Variants in VWA8 observed in about 807,000 individuals in gnomAD.
VWA8 encodes the protein von Willebrand factor A domain-containing protein 8.
In VWA8, 221 loss-of-function variants were observed where a neutral mutation model predicts 241.5. The observed-to-expected ratio is 0.91, with a 90% CI of 0.82 to 1.02. The LOEUF (loss-of-function observed/expected upper bound fraction) is 1.02. Among genes scored for constraint, VWA8 ranks in the 50% least tolerant of loss-of-function variants. VWA8 has a pLI of 0.00. For synonymous variants in VWA8, 852 were observed against 827.1 expected, an observed-to-expected ratio of 1.03 and a Z score of -0.52; for missense variants, 2,322 against 2,328.7, an observed-to-expected ratio of 1.00 and a Z score of 0.06.
chr13:41,907,213 C>T (rs994915079), intron 4 of VWA8, among the ~76,000 whole-genome samples: 4 of 152,074 alleles, frequency 2.6e-5, no homozygotes, highest in Non-Finnish European at 5.9e-5. Flanking sequence ...CCCCTTTACC[C>T]AAGTGACCTA....
At chr13:41,596,289 A>G (rs996668216) in intron 40 of VWA8, among the ~76,000 whole-genome samples, 2 of 152,072 alleles carry the variant, frequency 1.3e-5, no homozygotes, top group Non-Finnish European at 2.9e-5. Context: ...CCAGCCCACA[A>G]ATACTTGGAA....
At chr13:41,838,513 G>C (rs1265326844) in intron 12 of VWA8, among the ~76,000 whole-genome samples, 2 of 152,048 alleles carry the variant, frequency 1.3e-5, no homozygotes, top group African/African-American at 4.8e-5. Context: ...CTTCAACCAG[G>C]TTTAAAAAAT....
At position 41,845,900 on chromosome 13, in the gene VWA8, G is replaced by A. The variant is rs182424708; in HGVS notation, c.1426-12369C>T. Among the ~76,000 whole-genome samples the A allele has an allele frequency of 3.3e-5, 5 of 152,158 alleles. No homozygotes were observed. In the East Asian group the frequency reaches 7.7e-4, roughly 23 times the overall value. The stretch of plus-strand genomic sequence containing the variant: ...GGGTACTATGCTACCTGGGTGATAC[G>A]ACCATTCATACCCCAAACCAACAGC... On this transcript the variant is annotated intron_variant, in intron 12 of 44. Coordinates refer to ENST00000379310, the MANE Select transcript of VWA8 (RefSeq NM_015058.2).
rs898170945 is a variant in VWA8, at chr13:41,573,490, T to A, written c.5370+2250A>T. Reference sequence around the variant, plus strand: ...GCTATAGTTTAAAAAAAAAAAAATATATATATATATATATATACCTCTCTC... The same window carrying A: ...GCTATAGTTTAAAAAAAAAAAAATAAATATATATATATATATACCTCTCTC... On this transcript the variant is annotated intron_variant, in intron 43 of 44. Transcript: ENST00000379310. 8.9e-4 allele frequency among the ~76,000 whole-genome samples: 111 copies of A among 125,416 alleles called. 1 individual carries two copies. Among genetic ancestry groups the A allele is most frequent in the South Asian group, 5.2e-3 (22 of 4,226 alleles). 82.3% of individuals were successfully genotyped at this position (125,416 alleles called of 152,430 possible).
At chr13:41,776,078 C>A (rs889077697) in intron 20 of VWA8, among the ~76,000 whole-genome samples, 2 of 152,158 alleles carry the variant, frequency 1.3e-5, no homozygotes, top group Non-Finnish European at 2.9e-5. Flanking sequence ...GGACTCCATA[C>A]CTTGACCTCT....
rs1490773781 is a variant in VWA8 at position 41,824,982 on chromosome 13, A to T, written c.1700+5547T>A. On this transcript the variant is annotated intron_variant, in intron 14 of 44. Coordinates refer to ENST00000379310, the MANE Select transcript of VWA8 (RefSeq NM_015058.2). Reference sequence around the variant, plus strand: ...ATTGCCCAAGGAAAAGAAAAGGCCAAGGAGAAAACCCTGGGAGCTACCAAT... The same window carrying T: ...ATTGCCCAAGGAAAAGAAAAGGCCATGGAGAAAACCCTGGGAGCTACCAAT... 4.6e-5 allele frequency among the ~76,000 whole-genome samples: 7 copies of T among 152,256 alleles called. No homozygotes were observed. The East Asian group carries it at 1.4e-3, about 29-fold the overall frequency.
Position 41,567,837 on chromosome 13 carries a change from C to A in VWA8, c.*360G>T. ...TGATGGGGTCACTTTTCTAACGTGA[C>A]CAGATGATGTGTTAAGGCAAAAGCA... On this transcript the variant is annotated 3_prime_UTR_variant, in exon 45 of 45. Transcript: ENST00000379310. 5.7e-6 allele frequency: 1 copy of A among 175,608 alleles called. No individual in the cohort carries two copies. Among genetic ancestry groups the A allele is most frequent in the Admixed American group, 6.0e-5 (1 of 16,796 alleles). 10.9% of individuals were successfully genotyped at this position (175,608 alleles called of 1,614,324 possible).
chr13:41,872,029 T>A (rs1281715708), intron 9 of VWA8, among the ~76,000 whole-genome samples: 6 of 152,228 alleles, frequency 3.9e-5, no homozygotes, highest in African/African-American at 1.4e-4. Context: ...CTCATTGTGG[T>A]TTTGATCTGC....
At chr13:41,691,555 A>G (rs2045177721) in intron 31 of VWA8, 110 bp from the exon 32 acceptor site, 2 of 1,345,526 alleles carry the variant, frequency 1.5e-6, no homozygotes, top group Non-Finnish European at 2.0e-6. Flanking sequence ...GAATGTTTTA[A>G]GATTAAGTAA....
intron 44 of VWA8, among the ~76,000 whole-genome samples, chr13:41,568,675 A>C (rs2044278346): frequency 6.6e-6 from 1 of 152,244 alleles, no homozygotes; most frequent in Non-Finnish European, 1.5e-5. Flanking sequence ...TCTAGCAAAT[A>C]TGTTGACCTT....
chr13:41,881,037 A>G (rs975708622), intron 9 of VWA8, among the ~76,000 whole-genome samples: 1 of 152,164 alleles, frequency 6.6e-6, no homozygotes, highest in African/African-American at 2.4e-5. Context: ...TTACACTTTA[A>G]AAGAGAACTC....
intron 37 of VWA8, among the ~76,000 whole-genome samples, chr13:41,622,963 A>G (rs1432151515): frequency 1.3e-5 from 2 of 152,178 alleles, no homozygotes; most frequent in African/African-American, 4.8e-5. Flanking sequence ...TTTTCCTTTT[A>G]AACAGAAGTC....
intron 17 of VWA8, among the ~76,000 whole-genome samples, chr13:41,791,001 AT>A (rs1252738531): frequency 6.6e-6 from 1 of 151,986 alleles, no homozygotes; most frequent in Non-Finnish European, 1.5e-5. Flanking sequence ...TAGATAATTT[AT>A]CTTGATTTTT....
At chr13:41,877,528 A>AT (rs1375591949) in intron 9 of VWA8, among the ~76,000 whole-genome samples, 2 of 152,128 alleles carry the variant, frequency 1.3e-5, no homozygotes, top group Non-Finnish European at 2.9e-5. Flanking sequence ...CTACCTTTCT[A>AT]TATGCATATA....
At chr13:41,591,909 G>A (rs1446541322) in intron 40 of VWA8, among the ~76,000 whole-genome samples, 4 of 138,886 alleles carry the variant, frequency 2.9e-5, no homozygotes, top group East Asian at 2.1e-4. Flanking sequence ...TCAGTGTGGC[G>A]ATTCCTCAGG....
At chr13:41,899,481 T>C (rs1023353160) in intron 4 of VWA8, among the ~76,000 whole-genome samples, 1 of 152,126 alleles carries the variant, frequency 6.6e-6, no homozygotes, top group African/African-American at 2.4e-5. Flanking sequence ...TTTAAAAATA[T>C]AAATAAGAAT....
chr13:41,689,105 A>G (rs1480742008), intron 34 of VWA8, among the ~76,000 whole-genome samples: 7 of 152,132 alleles, frequency 4.6e-5, no homozygotes, highest in African/African-American at 1.2e-4. Context: ...GAACCCCCAC[A>G]TATGGAGAAT....
chr13:41,680,736 G>C (rs1374456147), intron 35 of VWA8, among the ~76,000 whole-genome samples: 1 of 152,150 alleles, frequency 6.6e-6, no homozygotes, highest in Non-Finnish European at 1.5e-5. Context: ...TGGTAATTCT[G>C]CTCCTAAATA....
intron 2 of VWA8, among the ~76,000 whole-genome samples, chr13:41,915,766 A>G (rs1441629214): frequency 3.3e-5 from 5 of 152,232 alleles, no homozygotes; most frequent in Non-Finnish European, 7.3e-5. Context: ...CCAATTTTAC[A>G]TAAGTTTCTT....
Sources: allele counts gnomAD v4.1 joint callset (sites outside exome capture counted in the v4.1 genomes callset), GRCh38; gene constraint gnomAD v4.1.1; transcripts MANE v1.5; gene names NCBI Gene and HGNC (gene_info 2026-07-23, HGNC 2026-07-21).